PFKP: variants seen among roughly 807,000 people sequenced by gnomAD.
PFKP encodes phosphofructokinase, platelet.
In PFKP, 101 loss-of-function variants were observed where a neutral mutation model predicts 94.3. The observed-to-expected ratio is 1.07, with a 90% CI of 0.91 to 1.26. The LOEUF (loss-of-function observed/expected upper bound fraction) is 1.26. PFKP is among the 50% of genes most tolerant of loss of function. The pLI is 0.00. For synonymous variants in PFKP, 573 were observed against 432.6 expected (o/e 1.32, Z -4.03); for missense variants, 1,145 against 1,103.3 (o/e 1.04, Z -0.53).
At position 3,134,591 on chromosome 10, in the gene PFKP, T is replaced by A. The variant is rs200195369; in HGVS notation, c.2122+9T>A. 1,366 of 1,585,054 alleles carry A rather than the reference T, an allele frequency of 8.6e-4. 2 individuals carry two copies. The highest frequency in any genetic ancestry group is 1.1e-3 in the Non-Finnish European group (1,222 of 1,154,062). ...GGAGGCCCGGGGCAGAGGTAAGGGG[T>A]CTGGGGAGGGAGGCCACAGCCTCGT... On this transcript the variant is annotated intron_variant, in intron 20 of 21. Coordinates refer to ENST00000381125, the MANE Select transcript of PFKP (RefSeq NM_002627.5).
intron 12 of PFKP, 70 bp from the exon 13 acceptor site, chr10:3,113,302 G>A: frequency 6.3e-7 from 1 of 1,577,390 alleles, no homozygotes; most frequent in Non-Finnish European, 8.6e-7. Context: ...ATGAGCCACT[G>A]CCAAAGTGTG....
At chr10:3,089,686 TTA>T (rs1419484778) in intron 2 of PFKP, among the ~76,000 whole-genome samples, 5 of 149,728 alleles carry the variant, frequency 3.3e-5, no homozygotes, top group African/African-American at 4.9e-5. Flanking sequence ...ATAATATGAA[TTA>T]TATATGTATT....
intron 16 of PFKP, among the ~76,000 whole-genome samples, chr10:3,126,023 G>A (rs959617036): frequency 2.1e-4 from 32 of 152,186 alleles, no homozygotes; most frequent in Non-Finnish European, 8.8e-5. Flanking sequence ...CATCGCGTGC[G>A]GGGACAGCAG....
chr10:3,102,309 A>G (rs1194960622), intron 4 of PFKP, among the ~76,000 whole-genome samples: 17 of 150,550 alleles, frequency 1.1e-4, no homozygotes, highest in Non-Finnish European at 3.0e-5. Flanking sequence ...TATTTAGACG[A>G]TAAATCTCTG....
chr10:3,083,470 A>T lies in PFKP; in HGVS notation c.186+1009A>T, dbSNP rs945274171. ...TTGTAAATCACTTAATGCCTCCAAA[A>T]TGGCTATTAGTGTTTTAGTCTGATT... On this transcript the variant is annotated intron_variant, in intron 2 of 21. Transcript: ENST00000381125. 2.0e-5 allele frequency among the ~76,000 whole-genome samples: 3 copies of T among 152,338 alleles called. No individual in the cohort carries two copies. In the East Asian group the frequency reaches 5.8e-4, roughly 29 times the overall value.
At chr10:3,089,290 G>C (rs1350564290) in intron 2 of PFKP, among the ~76,000 whole-genome samples, 1 of 152,186 alleles carries the variant, frequency 6.6e-6, no homozygotes, top group Admixed American at 6.5e-5. Context: ...CACAAATGAT[G>C]GGGTTTTCTC....
chr10:3,133,275 G>A lies in PFKP; in HGVS notation c.1983G>A (p.Val661=), dbSNP rs752270635. 4 of 1,614,000 alleles carry A rather than the reference G, an allele frequency of 2.5e-6. No individual in the cohort carries two copies. Among genetic ancestry groups the A allele is most frequent in the Non-Finnish European group, 8.5e-7 (1 of 1,179,946 alleles). Reference sequence around the variant, plus strand: ...TGTATTCAGAAGAGGGCAAAGGCGTGTTTGACTGCAGGAAGAACGTGCTGG... The same window carrying A: ...TGTATTCAGAAGAGGGCAAAGGCGTATTTGACTGCAGGAAGAACGTGCTGG... The part of the protein sequence containing the change: ...YQLYSEEGKG[V]FDCRKNVLGH... The change falls in exon 19 of 22, where the codon GTG becomes GTA. Residue 661 remains valine (V), a synonymous_variant. Coordinates refer to ENST00000381125, the MANE Select transcript of PFKP (RefSeq NM_002627.5).
At chr10:3,100,883 T>G (rs780899067) in intron 3 of PFKP, 8 of 542,214 alleles carry the variant, frequency 1.5e-5, no homozygotes, top group African/African-American at 7.5e-5. Flanking sequence ...AAAAAAAAAA[T>G]CCCCCTGGCC....
At chr10:3,074,319 G>A (rs183417417) in intron 1 of PFKP, among the ~76,000 whole-genome samples, 8 of 152,328 alleles carry the variant, frequency 5.3e-5, no homozygotes, top group African/African-American at 1.9e-4. Flanking sequence ...TTATGAAAGG[G>A]CCCAGGGGAA....
At chr10:3,099,009 A>G (rs751583914) in intron 2 of PFKP, among the ~76,000 whole-genome samples, 1 of 152,142 alleles carries the variant, frequency 6.6e-6, no homozygotes, top group Non-Finnish European at 1.5e-5. Context: ...CTCTCGGGAA[A>G]CGCTGGGCCA....
At chr10:3,107,078 G>C in intron 7 of PFKP, 136 bp from the exon 8 acceptor site, 1 of 568,310 alleles carries the variant, frequency 1.8e-6, no homozygotes, top group Non-Finnish European at 3.2e-6. Flanking sequence ...TTGGGAAGCA[G>C]CTCTTAGGAA....
intron 16 of PFKP, among the ~76,000 whole-genome samples, chr10:3,125,747 G>A (rs1837880299): frequency 6.6e-6 from 1 of 152,234 alleles, no homozygotes; most frequent in African/African-American, 2.4e-5. Flanking sequence ...CATGTGCCTT[G>A]GGAGGGGTGG....
chr10:3,086,963 G>A (rs1284118700), intron 2 of PFKP, among the ~76,000 whole-genome samples: 1 of 152,088 alleles, frequency 6.6e-6, no homozygotes, highest in African/African-American at 2.4e-5. Flanking sequence ...GAGGCCCTGG[G>A]CTTTCTCTGA....
At chr10:3,070,506 T>G (rs1455171386) in intron 1 of PFKP, among the ~76,000 whole-genome samples, 1 of 152,196 alleles carries the variant, frequency 6.6e-6, no homozygotes, top group Non-Finnish European at 1.5e-5. Flanking sequence ...ATGGTAAAAT[T>G]CCGTATATTA....
intron 1 of PFKP, among the ~76,000 whole-genome samples, chr10:3,081,740 G>T (rs1833093814): frequency 6.7e-6 from 1 of 149,986 alleles, no homozygotes; most frequent in South Asian, 2.2e-4. Flanking sequence ...CTTATATGAT[G>T]ATACATTGTA....
At chr10:3,100,056 G>GGGGTGTGTGT (rs1554766544) in intron 3 of PFKP, among the ~76,000 whole-genome samples, 1 of 137,744 alleles carries the variant, frequency 7.3e-6, no homozygotes, top group Non-Finnish European at 1.5e-5. Flanking sequence ...GTAGGTGTGT[G>GGGGTGTGTGT]GTGTGTGTGT....
At chr10:3,101,214 C>T in intron 3 of PFKP, 151 bp from the exon 4 acceptor site, 2 of 759,286 alleles carry the variant, frequency 2.6e-6, no homozygotes, top group Non-Finnish European at 4.2e-6. Flanking sequence ...ACAGGAAAAT[C>T]ACAGTCTTTC....
intron 2 of PFKP, 145 bp downstream of exon 2, chr10:3,082,606 C>T (rs1332077651): frequency 1.4e-5 from 7 of 489,360 alleles, no homozygotes; most frequent in Admixed American, 3.8e-5. Flanking sequence ...CAGCCAGGGC[C>T]GTTCCTCAGC....
chr10:3,088,121 A>C, intron 2 of PFKP, among the ~76,000 whole-genome samples: 1 of 142,092 alleles, frequency 7.0e-6, no homozygotes, highest in Non-Finnish European at 1.5e-5. Flanking sequence ...CATTAGGTAT[A>C]TCTCCTAATG....
Sources: allele counts gnomAD v4.1 joint callset (sites outside exome capture counted in the v4.1 genomes callset), GRCh38; gene constraint gnomAD v4.1.1; transcripts MANE v1.5; gene names NCBI Gene and HGNC (gene_info 2026-07-23, HGNC 2026-07-21).